PTK2: variants seen among roughly 807,000 people sequenced by gnomAD.
PTK2 encodes the protein focal adhesion kinase 1.
Under a neutral mutation model 150.1 loss-of-function variants are expected in PTK2, and 45 were observed. The ratio of observed to expected loss-of-function variants is 0.30; its 90% CI spans 0.24 to 0.38. The LOEUF (loss-of-function observed/expected upper bound fraction) is 0.38. Ranked by LOEUF, PTK2 falls within the 10% of genes least tolerant of loss-of-function variation. PTK2 has a pLI of 1.00. For synonymous variants in PTK2, 432 were observed against 449.2 expected, an observed-to-expected ratio of 0.96 and a Z score of 0.48; for missense variants, 919 against 1,307.3, an observed-to-expected ratio of 0.70 and a Z score of 4.58.
chr8:140,848,005 C>T (rs1223365378), intron 5 of PTK2, among the ~76,000 whole-genome samples: 3 of 152,202 alleles, frequency 2.0e-5, no homozygotes, highest in African/African-American at 7.2e-5. Context: ...ACCCAAGCCA[C>T]GTTGAACCTA....
At chr8:140,761,764 T>G (rs2100069562) in intron 15 of PTK2, among the ~76,000 whole-genome samples, 1 of 152,126 alleles carries the variant, frequency 6.6e-6, no homozygotes, top group Non-Finnish European at 1.5e-5. Flanking sequence ...CACTTTATGA[T>G]AATCCTATCT....
intron 7 of PTK2, among the ~76,000 whole-genome samples, chr8:140,836,724 G>C (rs1182509164): frequency 6.6e-6 from 1 of 152,126 alleles, no homozygotes; most frequent in Non-Finnish European, 1.5e-5. Flanking sequence ...ATATCTTACA[G>C]ATATCAGATA....
At chr8:140,706,835 A>G (rs1488210305) in intron 23 of PTK2, among the ~76,000 whole-genome samples, 1 of 152,246 alleles carries the variant, frequency 6.6e-6, no homozygotes, top group Non-Finnish European at 1.5e-5. Context: ...ATTAGAGGCC[A>G]GCCTGGGCAA....
rs79927091 is a variant in PTK2 at position 140,810,632 on chromosome 8, C to G, written c.868-6982G>C. Among the ~76,000 whole-genome samples the G allele has an allele frequency of 4.6e-3, 706 of 152,286 alleles. 4 individuals carry two copies. Among genetic ancestry groups the G allele is most frequent in the African/African-American group, 0.016 (669 of 41,542 alleles). On this transcript the variant is annotated intron_variant, in intron 10 of 31. Coordinates refer to ENST00000522684, the Ensembl canonical transcript of PTK2. The stretch of plus-strand genomic sequence containing the variant: ...ACAGAGTTTTGCTGGCACCTGTGTA[C>G]GCAGGCAGGTATTGCCTTCCGTGCC...
At chr8:140,942,207 T>C (rs2100176067) in intron 1 of PTK2, among the ~76,000 whole-genome samples, 1 of 152,148 alleles carries the variant, frequency 6.6e-6, no homozygotes, top group African/African-American at 2.4e-5. Context: ...ATTCTAGCAG[T>C]TTAAAACATA....
intron 3 of PTK2, among the ~76,000 whole-genome samples, chr8:140,889,184 A>G (rs2100153377): frequency 6.6e-6 from 1 of 152,196 alleles, no homozygotes; most frequent in Non-Finnish European, 1.5e-5. Context: ...TAGAGGTAAC[A>G]AAAAATTATG....
At chr8:140,744,789 G>GAAAA (rs372806706) in intron 18 of PTK2, 22 bp from the exon 22 acceptor site, 19 of 668,268 alleles carry the variant, frequency 2.8e-5, no homozygotes, top group South Asian at 7.2e-5. Context: ...ATGACCAAAA[G>GAAAA]AAAAAAAAAA....
intron 1 of PTK2, among the ~76,000 whole-genome samples, chr8:140,963,638 T>C (rs553280121): frequency 7.9e-5 from 12 of 152,344 alleles, no homozygotes; most frequent in African/African-American, 2.6e-4. Context: ...AAACAAATTA[T>C]GTCAACCGCT....
intron 16 of PTK2, among the ~76,000 whole-genome samples, chr8:140,753,492 G>T (rs531990001): frequency 1.6e-4 from 24 of 152,218 alleles, no homozygotes; most frequent in Non-Finnish European, 2.9e-4. Context: ...CCTAGCCCAT[G>T]TGACTGGACG....
chr8:140,739,193 G>A (rs1004535674), intron 20 of PTK2, 86 bp from the exon 24 acceptor site: 29 of 863,358 alleles, frequency 3.4e-5, no homozygotes, highest in South Asian at 4.9e-5. Flanking sequence ...AGTATCAAAG[G>A]AAAAAGCTTT....
At chr8:140,916,477 C>T (rs1229667929) in intron 2 of PTK2, among the ~76,000 whole-genome samples, 1 of 152,188 alleles carries the variant, frequency 6.6e-6, no homozygotes, top group East Asian at 1.9e-4. Flanking sequence ...TGGCTAACTC[C>T]CATATTTCCT....
At chr8:140,821,441 C>G (rs182394377) in intron 8 of PTK2, 50 of 152,298 alleles carry the variant, frequency 3.3e-4, no homozygotes, top group African/African-American at 1.1e-3. Context: ...GTAAAGAATC[C>G]AGGAAAAGTA....
chr8:140,863,809 T>C (rs1200203310), intron 5 of PTK2, among the ~76,000 whole-genome samples: 2 of 152,236 alleles, frequency 1.3e-5, no homozygotes, highest in Non-Finnish European at 2.9e-5. Context: ...AGTTAGTTAA[T>C]AAATATTTTT....
At chr8:140,988,757 A>C (rs2100194400) in intron 1 of PTK2, among the ~76,000 whole-genome samples, 1 of 148,428 alleles carries the variant, frequency 6.7e-6, no homozygotes, top group African/African-American at 2.5e-5. Flanking sequence ...AAAAAGACAC[A>C]CACGTATACG....
intron 27 of PTK2, among the ~76,000 whole-genome samples, chr8:140,681,831 A>G (rs1006625972): frequency 8.5e-5 from 13 of 152,198 alleles, no homozygotes; most frequent in Non-Finnish European, 1.5e-4. Flanking sequence ...TGGTGTGAAA[A>G]TAAGTCCTAT....
At chr8:140,844,205 C>A (rs1451495332) in intron 7 of PTK2, among the ~76,000 whole-genome samples, 1 of 152,184 alleles carries the variant, frequency 6.6e-6, no homozygotes, top group Non-Finnish European at 1.5e-5. Flanking sequence ...TGACTGATCA[C>A]TGGTGATGTT....
At chr8:140,930,066 G>A (rs1284053470) in intron 1 of PTK2, among the ~76,000 whole-genome samples, 6 of 152,152 alleles carry the variant, frequency 3.9e-5, no homozygotes. Context: ...CTGGTAGACT[G>A]GTCTACTAAA....
At chr8:140,674,011 G>C in intron 29 of PTK2, 1 of 533,110 alleles carries the variant, frequency 1.9e-6, no homozygotes, top group Admixed American at 2.2e-5. Flanking sequence ...AAAACATTCT[G>C]TCTGATCAGA....
At chr8:140,726,936 T>C (rs933045627) in intron 22 of PTK2, among the ~76,000 whole-genome samples, 2 of 152,226 alleles carry the variant, frequency 1.3e-5, no homozygotes, top group Non-Finnish European at 2.9e-5. Flanking sequence ...TTCAGCATAA[T>C]GGACCAAGGT....
Sources: allele counts gnomAD v4.1 joint callset (sites outside exome capture counted in the v4.1 genomes callset), GRCh38; gene constraint gnomAD v4.1.1; transcripts MANE v1.5; gene names NCBI Gene and HGNC (gene_info 2026-07-23, HGNC 2026-07-21).